The following ALPK1 variants were observed in gnomAD, a reference collection of about 807,000 sequenced individuals.
ALPK1 encodes alpha kinase 1, also known as alpha-protein kinase 1.
Under a neutral mutation model 120.6 loss-of-function variants are expected in ALPK1, and 110 were observed. The ratio of observed to expected loss-of-function variants is 0.91; its 90% confidence interval spans 0.78 to 1.07. The LOEUF (loss-of-function observed/expected upper bound fraction) is 1.07, where lower values mean the gene tolerates loss of function less well. Ranked by LOEUF, ALPK1 falls within the 50% of genes least tolerant of loss-of-function variation. ALPK1 has a pLI of 0.00. For missense variants in ALPK1, 1,498 were observed against 1,483.9 expected, an observed-to-expected ratio of 1.01 and a Z score of -0.16; for synonymous variants, 582 against 560.3, an observed-to-expected ratio of 1.04 and a Z score of -0.55.
chr4:112,396,086 A>G (rs952645563), intron 4 of ALPK1, among the ~76,000 whole-genome samples: 53 of 152,286 alleles, frequency 3.5e-4, no homozygotes, highest in African/African-American at 1.2e-3. Flanking sequence ...AAGAAAAAAA[A>G]TTCCCATTTG....
At position 112,431,822 on chromosome 4, in the gene ALPK1, G is replaced by A. The variant is rs1233352386; in HGVS notation, c.2275G>A (p.Asp759Asn). The A allele has an allele frequency of 6.2e-7, 1 of 1,614,136 alleles. No homozygotes were observed. Among genetic ancestry groups the A allele is most frequent in the Admixed American group, 1.7e-5 (1 of 60,016 alleles). The change falls in exon 11 of 16, where the codon GAC becomes AAC. Residue 759 changes from aspartate to asparagine, a missense_variant. By Grantham distance (23) the Asp-to-Asn change is conservative. Coordinates refer to ENST00000650871, the MANE Select transcript of ALPK1 (RefSeq NM_025144.4). Reference protein sequence around the residue: ...EFPETNCDVKDRQGKEQGEEI... With the variant: ...EFPETNCDVKNRQGKEQGEEI... ...TCCAGAAACCAACTGCGATGTCAAA[G>A]ACAGGCAGGGGAAAGAGCAGGGAGA...
chr4:112,417,748 A>C (rs1225340453), intron 5 of ALPK1, among the ~76,000 whole-genome samples: 2 of 152,158 alleles, frequency 1.3e-5, no homozygotes, highest in Non-Finnish European at 2.9e-5. Context: ...AGCTTCCCAA[A>C]GTCCTGGGAT....
chr4:112,379,763 G>A (rs886159175), intron 3 of ALPK1, among the ~76,000 whole-genome samples: 12 of 152,198 alleles, frequency 7.9e-5, no homozygotes, highest in Non-Finnish European at 1.5e-4. Context: ...TGTTAGCATG[G>A]GTGACTACCC....
rs922741828 is a variant in ALPK1 at position 112,315,855 on chromosome 4, A to G, written c.-101+3A>G. The stretch of plus-strand genomic sequence containing the variant: ...AATCTAATGAACCGAAACTTTGGGT[A>G]AGTTTTCATATGAAACTTTTGAGTT... On this transcript the variant is annotated splice_donor_region_variant and intron_variant, in intron 2 of 15. Transcript: ENST00000650871. 2 of 152,242 alleles carry G rather than the reference A, an allele frequency of 1.3e-5. No individual in the cohort carries two copies. Among genetic ancestry groups the G allele is most frequent in the African/African-American group, 2.4e-5 (1 of 41,458 alleles). 9.4% of individuals were successfully genotyped at this position (152,242 alleles called of 1,614,324 possible).
chr4:112,412,767 C>T (rs1733547311), intron 5 of ALPK1, among the ~76,000 whole-genome samples: 1 of 152,204 alleles, frequency 6.6e-6, no homozygotes, highest in African/African-American at 2.4e-5. Flanking sequence ...GCAAGTTACC[C>T]CTCCCAGAAA....
chr4:112,308,402 G>C (rs1312107499), intron 1 of ALPK1, among the ~76,000 whole-genome samples: 2 of 151,890 alleles, frequency 1.3e-5, no homozygotes, highest in Non-Finnish European at 2.9e-5. Flanking sequence ...ACATAGATTT[G>C]GTCTTGTCAC....
chr4:112,417,184 A>T (rs1167427431), intron 5 of ALPK1, among the ~76,000 whole-genome samples: 2 of 152,198 alleles, frequency 1.3e-5, no homozygotes, highest in Non-Finnish European at 2.9e-5. Flanking sequence ...TATTCTCAAG[A>T]CAGCTCTCTC....
At chr4:112,346,754 A>T (rs1730121868) in intron 2 of ALPK1, among the ~76,000 whole-genome samples, 2 of 152,380 alleles carry the variant, frequency 1.3e-5, no homozygotes, top group East Asian at 1.9e-4. Context: ...AGAATAGAAG[A>T]TTACACACAT....
chr4:112,325,391 G>C (rs986823575), intron 2 of ALPK1, among the ~76,000 whole-genome samples: 1 of 152,196 alleles, frequency 6.6e-6, no homozygotes, highest in Admixed American at 6.5e-5. Context: ...CCTTAGAAAT[G>C]TATAGTTAAG....
intron 2 of ALPK1, among the ~76,000 whole-genome samples, chr4:112,375,526 T>C (rs1364096384): frequency 6.6e-6 from 1 of 152,236 alleles, no homozygotes; most frequent in Non-Finnish European, 1.5e-5. Flanking sequence ...TAACCTCTTC[T>C]AGCTTCCAAC....
At chr4:112,353,218 T>G (rs1295167044) in intron 2 of ALPK1, among the ~76,000 whole-genome samples, 4 of 152,132 alleles carry the variant, frequency 2.6e-5, no homozygotes, top group Non-Finnish European at 5.9e-5. Context: ...TCAAGTGATC[T>G]GCCTGCCTCA....
intron 1 of ALPK1, among the ~76,000 whole-genome samples, chr4:112,313,815 G>T (rs771885690): frequency 1.3e-5 from 2 of 152,150 alleles, no homozygotes; most frequent in East Asian, 1.9e-4. Flanking sequence ...GTGGCATAAT[G>T]GGACAAAAGT....
At chr4:112,398,714 G>C (rs906824212) in intron 4 of ALPK1, among the ~76,000 whole-genome samples, 5 of 152,160 alleles carry the variant, frequency 3.3e-5, no homozygotes, top group Non-Finnish European at 5.9e-5. Context: ...TAAGGGAGAG[G>C]AACACCAGAG....
intron 2 of ALPK1, among the ~76,000 whole-genome samples, chr4:112,354,138 T>C (rs1730490699): frequency 6.6e-6 from 1 of 152,216 alleles, no homozygotes; most frequent in Non-Finnish European, 1.5e-5. Context: ...ACAAATACTG[T>C]CTCCCAGTTT....
rs778101874 is a variant in ALPK1 at position 112,300,701 on chromosome 4, T to TAA, written c.-153+3243_-153+3244dup. On this transcript the variant is annotated intron_variant, in intron 1 of 15. Coordinates refer to ENST00000650871, the MANE Select transcript of ALPK1 (RefSeq NM_025144.4). Reference sequence around the variant, plus strand: ...TCTAATAATTCTTTTGGCTTAAAGATAAAAAAAAAAAAGGCAGGGAAGGGG... The same window carrying TAA: ...TCTAATAATTCTTTTGGCTTAAAGATAAAAAAAAAAAAAAGGCAGGGAAGGGG... 3.0e-3 allele frequency among the ~76,000 whole-genome samples: 402 copies of TAA among 134,056 alleles called. 2 individuals carry two copies. The highest frequency in any genetic ancestry group is 0.01 in the African/African-American group (382 of 36,486). 87.9% of individuals were successfully genotyped at this position (134,056 alleles called of 152,430 possible). A position where few individuals can be genotyped will look rare whatever the true frequency, so the allele number is the denominator to read the frequency against.
At chr4:112,425,907 G>A in intron 7 of ALPK1, 156 bp downstream of exon 7, 2 of 538,636 alleles carry the variant, frequency 3.7e-6, no homozygotes, top group South Asian at 4.9e-5. Context: ...TAAGATCCTA[G>A]GAGTGTCACA....
In ALPK1 at chr4:112,432,406, C is replaced by T. The variant is rs1734607285; in HGVS notation, c.2859C>T (p.Ser953=). 1 of 1,614,120 alleles carries T rather than the reference C, an allele frequency of 6.2e-7. No homozygotes were observed. Among genetic ancestry groups the T allele is most frequent in the South Asian group, 1.1e-5 (1 of 91,072 alleles). The change falls in exon 11 of 16, where the codon TCC becomes TCT. Residue 953 remains serine (S), a synonymous_variant. Coordinates refer to ENST00000650871, the MANE Select transcript of ALPK1 (RefSeq NM_025144.4). The part of the protein sequence containing the change: ...EGDSPWSYLN[S]SGSSWVSLPG... ...ACAGCCCTTGGTCCTATCTGAATTC[C>T]AGTGGGAGTTCTTGGGTTTCATTGC... is the stretch of plus-strand genomic sequence containing the variant.
At chr4:112,419,971 T>C (rs1324868817) in intron 5 of ALPK1, among the ~76,000 whole-genome samples, 1 of 152,242 alleles carries the variant, frequency 6.6e-6, no homozygotes, top group African/African-American at 2.4e-5. Context: ...TTATTACTAT[T>C]ATTACCTTGA....
At position 112,439,735 on chromosome 4, in the gene ALPK1, T is replaced by C. The variant is rs773467272; in HGVS notation, c.3401T>C (p.Ile1134Thr). 6.2e-7 allele frequency: 1 copy of C among 1,613,458 alleles called. No homozygotes were observed. Among genetic ancestry groups the C allele is most frequent in the Non-Finnish European group, 8.5e-7 (1 of 1,179,778 alleles). The change falls in exon 14 of 16, where the codon ATA (isoleucine) becomes ACA (threonine). Residue 1134 changes from isoleucine to threonine, a missense_variant. Physicochemically the swap from Ile to Thr is moderately conservative, Grantham distance 89. Transcript: ENST00000650871. The part of the protein sequence containing the change: ...IKGCISVEPY[I>T]LGEFVKLSNN... ...GGATGTATCAGTGTGGAGCCTTACA[T>C]ACTGGGAGAATTTGTAAAATTGTCA...
Sources: gnomAD v4.1 joint callset for allele counts (sites outside exome capture counted in the v4.1 genomes callset) on GRCh38, gnomAD v4.1.1 for gene constraint, MANE v1.5 for transcripts, NCBI Gene and HGNC (gene_info 2026-07-23, HGNC 2026-07-21) for gene names.